The following NXPH1 variants were observed in gnomAD, a reference collection of about 807,000 sequenced individuals.
The protein encoded by NXPH1 is neurexophilin-1.
NXPH1 carries 5 observed loss-of-function variants against 23.7 expected under a neutral mutation model. That is an observed-to-expected ratio of 0.21 (90% CI 0.11 to 0.44). The LOEUF (loss-of-function observed/expected upper bound fraction) is 0.44, where lower values mean the gene tolerates loss of function less well. NXPH1 is among the 20% of genes least tolerant of loss of function. The pLI, the probability that NXPH1 is intolerant of heterozygous loss-of-function variation, is 0.99. For missense variants in NXPH1, 324 were observed against 321.6 expected (o/e 1.01, Z -0.06); for synonymous variants, 144 against 122.2 (o/e 1.18, Z -1.18).
intron 2 of NXPH1, among the ~76,000 whole-genome samples, chr7:8,633,498 C>G (rs1255498406): frequency 6.6e-6 from 1 of 152,178 alleles, no homozygotes; most frequent in African/African-American, 2.4e-5. Context: ...AGCGCACACA[C>G]ATTGTACTAC....
chr7:8,639,369 T>C (rs1350773295), intron 2 of NXPH1, among the ~76,000 whole-genome samples: 1 of 151,992 alleles, frequency 6.6e-6, no homozygotes. Flanking sequence ...TTCCAGACAC[T>C]ACAAACAAAA....
intron 2 of NXPH1, among the ~76,000 whole-genome samples, chr7:8,587,233 C>T (rs1003664060): frequency 6.6e-6 from 1 of 151,582 alleles, no homozygotes; most frequent in South Asian, 2.1e-4. Context: ...TTCCTGGGTT[C>T]GTGTATATAT....
chr7:8,714,480 T>A (rs1779846392), intron 2 of NXPH1, among the ~76,000 whole-genome samples: 1 of 151,440 alleles, frequency 6.6e-6, no homozygotes, highest in Non-Finnish European at 1.5e-5. Flanking sequence ...TCCCCTTTAC[T>A]TTTCCCTCTA....
chr7:8,512,687 A>G (rs886304895), intron 2 of NXPH1, among the ~76,000 whole-genome samples: 1 of 152,152 alleles, frequency 6.6e-6, no homozygotes, highest in African/African-American at 2.4e-5. Flanking sequence ...AGAAAGTTAA[A>G]TTAATAGTAT....
chr7:8,449,128 G>A (rs1300289944), intron 2 of NXPH1, among the ~76,000 whole-genome samples: 1 of 152,250 alleles, frequency 6.6e-6, no homozygotes, highest in Non-Finnish European at 1.5e-5. Flanking sequence ...CTTTGGCCAG[G>A]GGGCTTTTTC....
intron 2 of NXPH1, among the ~76,000 whole-genome samples, chr7:8,610,138 C>G (rs955188354): frequency 1.3e-5 from 2 of 152,088 alleles, no homozygotes; most frequent in African/African-American, 4.8e-5. Flanking sequence ...ATTTTGGTTG[C>G]AATTTCACAT....
intron 2 of NXPH1, among the ~76,000 whole-genome samples, chr7:8,480,173 T>G (rs1039212331): frequency 6.6e-6 from 1 of 152,160 alleles, no homozygotes; most frequent in Non-Finnish European, 1.5e-5. Flanking sequence ...AGGTGGTGGT[T>G]GCAGGAAGTT....
rs78857082 is a variant in NXPH1, at chr7:8,735,331, A to G, written c.55-15677A>G. On this transcript the variant is annotated intron_variant, in intron 2 of 2. Transcript: ENST00000405863. ...GATATGTTCCATCAATACCTAGTTT[A>G]TTGAGAGTTTCTAGCATGAAGGGTT... Among the ~76,000 whole-genome samples the G allele has an allele frequency of 2.2e-3, 341 of 152,262 alleles. 1 individual carries two copies. Among genetic ancestry groups the G allele is most frequent in the Admixed American group, 3.7e-3 (56 of 15,298 alleles).
chr7:8,714,058 T>C (rs1174167423), intron 2 of NXPH1, among the ~76,000 whole-genome samples: 2 of 152,190 alleles, frequency 1.3e-5, no homozygotes, highest in Non-Finnish European at 2.9e-5. Flanking sequence ...GGTTCAGAAA[T>C]GCAGTCTAGG....
intron 2 of NXPH1, among the ~76,000 whole-genome samples, chr7:8,636,181 T>A (rs1359955933): frequency 1.3e-5 from 2 of 152,170 alleles, no homozygotes; most frequent in African/African-American, 2.4e-5. Context: ...GGAGACTCTT[T>A]CACTCAATAG....
intron 2 of NXPH1, among the ~76,000 whole-genome samples, chr7:8,521,271 C>T (rs1817766771): frequency 6.6e-6 from 1 of 152,166 alleles, no homozygotes. Flanking sequence ...TGTCCCAGTC[C>T]ATTTGGGAAA....
At chr7:8,578,761 T>G (rs1562409660) in intron 2 of NXPH1, among the ~76,000 whole-genome samples, 1 of 152,128 alleles carries the variant, frequency 6.6e-6, no homozygotes, top group Admixed American at 6.5e-5. Flanking sequence ...TAAGTTGCTA[T>G]GGAAACATAA....
intron 2 of NXPH1, among the ~76,000 whole-genome samples, chr7:8,514,363 A>G (rs1817657014): frequency 6.6e-6 from 1 of 152,170 alleles, no homozygotes; most frequent in Non-Finnish European, 1.5e-5. Flanking sequence ...CATTTAAAAA[A>G]TCCTCACTTC....
At chr7:8,661,998 G>T (rs1052502428) in intron 2 of NXPH1, among the ~76,000 whole-genome samples, 8 of 151,896 alleles carry the variant, frequency 5.3e-5, no homozygotes, top group Admixed American at 4.6e-4. Context: ...AACATATAAA[G>T]TCTTTTGTAA....
intron 2 of NXPH1, among the ~76,000 whole-genome samples, chr7:8,559,819 G>A (rs1047264198): frequency 6.6e-6 from 1 of 151,686 alleles, no homozygotes; most frequent in Admixed American, 6.6e-5. Flanking sequence ...GAGTCTTCAT[G>A]ATGTCACCAA....
chr7:8,490,499 G>A (rs1374772464), intron 2 of NXPH1, among the ~76,000 whole-genome samples: 1 of 151,830 alleles, frequency 6.6e-6, no homozygotes, highest in Non-Finnish European at 1.5e-5. Context: ...ATAGAAAGGA[G>A]TATAGTTTTC....
chr7:8,702,285 A>G (rs946239310), intron 2 of NXPH1, among the ~76,000 whole-genome samples: 3 of 152,160 alleles, frequency 2.0e-5, no homozygotes, highest in African/African-American at 4.8e-5. Flanking sequence ...TATTGCATAC[A>G]TGTATTGAAA....
chr7:8,664,195 C>T (rs1334023353), intron 2 of NXPH1, among the ~76,000 whole-genome samples: 1 of 152,038 alleles, frequency 6.6e-6, no homozygotes, highest in Non-Finnish European at 1.5e-5. Context: ...CCATCTCCTC[C>T]CTCAAGTGCT....
At chr7:8,618,234 A>G (rs958558964) in intron 2 of NXPH1, among the ~76,000 whole-genome samples, 2 of 152,130 alleles carry the variant, frequency 1.3e-5, no homozygotes, top group African/African-American at 2.4e-5. Context: ...GATCTATTTT[A>G]TGGTATTAGC....
Sources: gnomAD v4.1 joint callset for allele counts (sites outside exome capture counted in the v4.1 genomes callset) on GRCh38, gnomAD v4.1.1 for gene constraint, MANE v1.5 for transcripts, NCBI Gene and HGNC (gene_info 2026-07-23, HGNC 2026-07-21) for gene names.